CHST15: variants seen among roughly 807,000 people sequenced by gnomAD.
The protein encoded by CHST15 is carbohydrate sulfotransferase 15, also known as B cell RAG associated protein (GALNAC4S-6ST).
Under a neutral mutation model 53.6 loss-of-function variants are expected in CHST15, and 30 were observed. That is an observed-to-expected ratio of 0.56 (90% confidence interval 0.42 to 0.76). The LOEUF is 0.76. Ranked by LOEUF, CHST15 falls within the 30% of genes least tolerant of loss-of-function variation. CHST15 has a pLI of 0.00. For missense variants in CHST15, 627 were observed against 740.5 expected, an observed-to-expected ratio of 0.85 and a Z score of 1.78; for synonymous variants, 296 against 289.8, an observed-to-expected ratio of 1.02 and a Z score of -0.22.
In CHST15 at chr10:124,089,828, A is replaced by AT. The variant is rs376548107; in HGVS notation, c.-513+3640_-513+3641insA. Among the ~76,000 whole-genome samples the AT allele has an allele frequency of 3.4e-3, 523 of 152,278 alleles. 5 individuals carry two copies. Among genetic ancestry groups the AT allele is most frequent in the African/African-American group, 0.012 (507 of 41,548 alleles). On this transcript the variant is annotated intron_variant, in intron 1 of 7. Transcript: ENST00000435907. ...CAATTCCGCTTGTCCCCATCCCATGAGGGCTGGGACCCTGTCTGTCCTAGC... is the reference window on the plus strand; with the variant it reads ...CAATTCCGCTTGTCCCCATCCCATGATGGGCTGGGACCCTGTCTGTCCTAGC...
In CHST15 at chr10:124,012,454, A is replaced by T; in HGVS notation, c.1374T>A (p.Ala458=). 6.2e-7 allele frequency: 1 copy of T among 1,614,096 alleles called. No homozygotes were observed. Among genetic ancestry groups the T allele is most frequent in the African/African-American group, 1.3e-5 (1 of 75,054 alleles). ...CGCTGAGCCAGTCCAGAAGGTACACAGCATAGAGCCCAACCTGGAGCCTCA... is the reference window on the plus strand; with the variant it reads ...CGCTGAGCCAGTCCAGAAGGTACACTGCATAGAGCCCAACCTGGAGCCTCA... ...MPVRLQVGLY[A]VYLLDWLSVF... The change falls in exon 7 of 8, where the codon GCT becomes GCA. Residue 458 remains alanine (A), a synonymous_variant. Coordinates refer to ENST00000435907, the MANE Select transcript of CHST15 (RefSeq NM_001270764.2).
intron 1 of CHST15, among the ~76,000 whole-genome samples, chr10:124,064,598 G>C (rs768706955): frequency 6.6e-6 from 1 of 151,842 alleles, no homozygotes; most frequent in African/African-American, 2.4e-5. Flanking sequence ...GCCCCTCTTC[G>C]TTGCTGGGCT....
At chr10:124,028,147 G>A (rs1256873683) in intron 5 of CHST15, among the ~76,000 whole-genome samples, 3 of 152,220 alleles carry the variant, frequency 2.0e-5, no homozygotes, top group Non-Finnish European at 2.9e-5. Flanking sequence ...CAGCAAATGT[G>A]TTTACGGAAC....
Position 124,021,238 on chromosome 10 carries a change from G to GGT in CHST15, c.1347+17_1347+18insAC, listed in dbSNP as rs1554903154. ...GCCAGGGGCCAGCTCGGGGGGTACG[G>GGT]GGGGGGGGGGTACACACAGGCATGG... is the stretch of plus-strand genomic sequence containing the variant. On this transcript the variant is annotated intron_variant, in intron 6 of 7. Coordinates refer to ENST00000435907, the MANE Select transcript of CHST15 (RefSeq NM_001270764.2). 2.5e-5 allele frequency: 19 copies of GGT among 770,888 alleles called. 1 individual carries two copies. The highest frequency in any genetic ancestry group is 3.2e-5 in the Non-Finnish European group (19 of 588,104). The allele number at this position is 770,888 out of a possible 1,614,324, so 47.8% of individuals were successfully genotyped here. A position where few individuals can be genotyped will look rare whatever the true frequency, so the allele number is the denominator to read the frequency against.
At chr10:124,017,267 C>T (rs180870390) in intron 6 of CHST15, among the ~76,000 whole-genome samples, 1 of 152,292 alleles carries the variant, frequency 6.6e-6, no homozygotes, top group East Asian at 1.9e-4. Context: ...GCAAAGCCCA[C>T]ACCTGCCCCA....
chr10:124,063,563 A>G (rs939766850), intron 1 of CHST15, among the ~76,000 whole-genome samples: 4 of 152,208 alleles, frequency 2.6e-5, no homozygotes, highest in Admixed American at 2.6e-4. Context: ...GAACTTGGAT[A>G]TGCCCAGTCC....
chr10:124,069,189 C>A (rs1948836526), intron 1 of CHST15, among the ~76,000 whole-genome samples: 1 of 152,254 alleles, frequency 6.6e-6, no homozygotes, highest in African/African-American at 2.4e-5. Flanking sequence ...CAAACTCCCA[C>A]AGATCAACAT....
intron 4 of CHST15, among the ~76,000 whole-genome samples, chr10:124,040,174 G>C (rs138416143): frequency 8.5e-5 from 13 of 152,294 alleles, no homozygotes; most frequent in Non-Finnish European, 1.8e-4. Context: ...AAATGAACTG[G>C]TTTTAGAGCC....
intron 1 of CHST15, among the ~76,000 whole-genome samples, chr10:124,085,900 C>T (rs1464000530): frequency 2.6e-5 from 4 of 152,178 alleles, no homozygotes; most frequent in African/African-American, 9.7e-5. Context: ...CTCCCCCTCT[C>T]CAGTGGCCGG....
chr10:124,087,446 A>C (rs547436432), intron 1 of CHST15, among the ~76,000 whole-genome samples: 1 of 152,308 alleles, frequency 6.6e-6, no homozygotes, highest in East Asian at 1.9e-4. Context: ...TGTCAGAAAA[A>C]CATAATTGTG....
Position 124,008,822 on chromosome 10 carries a change from G to A in CHST15, c.*1327C>T, listed in dbSNP as rs1946334892. 4 of 1,226,586 alleles carry A rather than the reference G, an allele frequency of 3.3e-6. No homozygotes were observed. The highest frequency in any genetic ancestry group is 2.8e-5 in the South Asian group (2 of 71,724). 76.0% of individuals were successfully genotyped at this position (1,226,586 alleles called of 1,614,324 possible). ...AAAGCTTCATCCAGGTCCCACCTGG[G>A]CTGTTGCCAAGGATGCTCAAGCGTT... On this transcript the variant is annotated 3_prime_UTR_variant, in exon 8 of 8. Transcript: ENST00000435907.
chr10:124,025,486 C>T (rs1564858596), intron 5 of CHST15, among the ~76,000 whole-genome samples: 1 of 152,146 alleles, frequency 6.6e-6, no homozygotes, highest in Non-Finnish European at 1.5e-5. Flanking sequence ...GCCCCTCGAA[C>T]CCCACTGCGA....
At position 124,021,280 on chromosome 10, in the gene CHST15, G is replaced by T. The variant is rs1946779311; in HGVS notation, c.1323C>A (p.Asn441Lys). ...CAGGCATGGCGTTGTTGAGGGTGTTGTTGTAGACGCAGGCGCGCAGTGAAT... is the reference window on the plus strand; with the variant it reads ...CAGGCATGGCGTTGTTGAGGGTGTTTTTGTAGACGCAGGCGCGCAGTGAAT... ...LDYSLRACVYNNTLNNAMPVR... is the reference protein window; with the variant it reads ...LDYSLRACVYKNTLNNAMPVR... The change falls in exon 6 of 8, where the codon AAC (asparagine) becomes AAA (lysine). Residue 441 changes from asparagine (N) to lysine (K), a missense_variant. Asn to Lys is a moderately conservative substitution (Grantham distance 94). Coordinates refer to ENST00000435907, the MANE Select transcript of CHST15 (RefSeq NM_001270764.2). 6.2e-7 allele frequency: 1 copy of T among 1,609,188 alleles called. No homozygotes were observed. The highest frequency in any genetic ancestry group is 1.1e-5 in the South Asian group (1 of 90,870).
Position 124,009,034 on chromosome 10 carries a change from C to T in CHST15, c.*1115G>A, listed in dbSNP as rs758991825. 39 of 1,289,094 alleles carry T rather than the reference C, an allele frequency of 3.0e-5. No homozygotes were observed. Among genetic ancestry groups the T allele is most frequent in the Non-Finnish European group, 3.8e-5 (38 of 988,670 alleles). The allele number at this position is 1,289,094 out of a possible 1,614,324, so 79.9% of individuals were successfully genotyped here. A position where few individuals can be genotyped will look rare whatever the true frequency, so the allele number is the denominator to read the frequency against. On this transcript the variant is annotated 3_prime_UTR_variant, in exon 8 of 8. Transcript: ENST00000435907. ...TGCATTGTGTTTTGGAATTGGGACACGAGTATCTATAGTCCCTTGCTGGGT... is the reference window on the plus strand; with the variant it reads ...TGCATTGTGTTTTGGAATTGGGACATGAGTATCTATAGTCCCTTGCTGGGT...
chr10:124,046,135 G>T lies in CHST15; in HGVS notation c.78C>A (p.Gly26=). 6.2e-7 allele frequency: 1 copy of T among 1,614,126 alleles called. No homozygotes were observed. Among genetic ancestry groups the T allele is most frequent in the African/African-American group, 1.3e-5 (1 of 75,030 alleles). ...AHKQQVNCQG[G]PHHGHQACPT... ...GGCACGCCTGGTGACCGTGATGGGGGCCCCCTTGGCAGTTGACCTGCTGCT... is the reference window on the plus strand; with the variant it reads ...GGCACGCCTGGTGACCGTGATGGGGTCCCCCTTGGCAGTTGACCTGCTGCT... Residue 26 remains glycine (G), a synonymous_variant, in exon 2 of 8, where the codon GGC becomes GGA. Transcript: ENST00000435907.
At chr10:124,044,301 G>C (rs2133996306) in intron 3 of CHST15, among the ~76,000 whole-genome samples, 1 of 152,320 alleles carries the variant, frequency 6.6e-6, no homozygotes, top group African/African-American at 2.4e-5. Flanking sequence ...ACTTACTGCT[G>C]ACTGCTCGGG....
At chr10:124,081,709 G>GGTGCTAAATGGTGC (rs1175814236) in intron 1 of CHST15, among the ~76,000 whole-genome samples, 2 of 152,094 alleles carry the variant, frequency 1.3e-5, no homozygotes, top group Non-Finnish European at 2.9e-5. Flanking sequence ...AAACATAAAC[G>GGTGCTAAATGGTGC]CTGGAAGGAC....
At chr10:124,054,500 A>G (rs1338889628) in intron 1 of CHST15, among the ~76,000 whole-genome samples, 2 of 152,222 alleles carry the variant, frequency 1.3e-5, no homozygotes, top group South Asian at 2.1e-4. Context: ...AGATCTCTAC[A>G]ATATGCAGCC....
In CHST15 at chr10:124,045,884, G is replaced by C; in HGVS notation, c.329C>G (p.Pro110Arg). Residue 110 changes from proline (P) to arginine (R), a missense_variant, in exon 2 of 8, where the codon CCT (proline) becomes CGT (arginine). Physicochemically the swap from Pro to Arg is moderately radical, Grantham distance 103. This residue lies in a region of CHST15 where 187 missense variants were observed against 251.8 expected (regional missense o/e 0.74). Coordinates refer to ENST00000435907, the MANE Select transcript of CHST15 (RefSeq NM_001270764.2). ...GCTGGGGAAGCCTCCGTAATGGAAA[G>C]GTGATGAGATCAGAAGCTCTTGGTG... ...GAHQELLISS[P>R]FHYGGFPSNP... 6.2e-7 allele frequency: 1 copy of C among 1,614,062 alleles called. No individual in the cohort carries two copies. Among genetic ancestry groups the C allele is most frequent in the Non-Finnish European group, 8.5e-7 (1 of 1,180,002 alleles).
Sources: gnomAD v4.1 joint callset for allele counts (sites outside exome capture counted in the v4.1 genomes callset) on GRCh38, gnomAD v4.1.1 for gene constraint, gnomAD v4.1.1 regional missense constraint, MANE v1.5 for transcripts, NCBI Gene and HGNC (gene_info 2026-07-23, HGNC 2026-07-21) for gene names.